Variants in NAGA observed in about 807,000 individuals in gnomAD.
NAGA encodes alpha-N-acetylgalactosaminidase.
Under a neutral mutation model 45.6 loss-of-function variants are expected in NAGA, and 42 were observed. That is an observed-to-expected ratio of 0.92 (90% CI 0.72 to 1.19). The LOEUF (loss-of-function observed/expected upper bound fraction) is 1.19. Ranked by LOEUF, NAGA falls within the 50% of genes most tolerant of loss-of-function variation. NAGA has a pLI of 0.00. For synonymous variants in NAGA, 176 were observed against 203.1 expected (o/e 0.87, Z 1.13); for missense variants, 493 against 544.8 (o/e 0.90, Z 0.95).
At position 42,066,845 on chromosome 22, in the gene NAGA, G is replaced by A. The variant is rs1326781862; in HGVS notation, c.503-41C>T. On this transcript the variant is annotated intron_variant, in intron 4 of 8. Transcript: ENST00000396398. ...CCTGTTTCAGTCCTGAGGAAGTGCA[G>A]GAGGCAGTCTGGGGCCTTAGCCCAG... 4.5e-6 allele frequency: 7 copies of A among 1,572,354 alleles called. No homozygotes were observed. The African/African-American group carries it at 8.1e-5, about 18-fold the overall frequency.
At chr22:42,068,006 T>C in intron 2 of NAGA, 70 bp from the exon 3 acceptor site, 1 of 1,395,522 alleles carries the variant, frequency 7.2e-7, no homozygotes, top group Non-Finnish European at 1.0e-6. Context: ...CTGCCTCAGC[T>C]CTGATTGAAT....
intron 5 of NAGA, 84 bp from the exon 6 acceptor site, chr22:42,065,983 G>T: frequency 6.6e-7 from 1 of 1,521,594 alleles, no homozygotes; most frequent in Admixed American, 1.9e-5. Context: ...AGGAGGCTCA[G>T]CAGGAGAGAC....
Position 42,062,898 on chromosome 22 carries a change from T to C in NAGA, c.886A>G (p.Ile296Val). 2 of 1,614,210 alleles carry C rather than the reference T, an allele frequency of 1.2e-6. No homozygotes were observed. Among genetic ancestry groups the C allele is most frequent in the East Asian group, 4.5e-5 (2 of 44,882 alleles). ...TTGATCATGAGTGGATTCTGCAGAA[T>C]GTCCATGTTCTGGGCGGAGATGGTA... The part of the protein sequence containing the change: ...LRTISAQNMD[I>V]LQNPLMIKIN... Residue 296 changes from isoleucine to valine, a missense_variant, in exon 7 of 9, where the codon ATT becomes GTT. Ile to Val is a conservative substitution (Grantham distance 29, BLOSUM62 3). Transcript: ENST00000396398.
At position 42,068,588 on chromosome 22, in the gene NAGA, G is replaced by A. The variant is rs747798266; in HGVS notation, c.17-14C>T. 3 of 1,613,930 alleles carry A rather than the reference G, an allele frequency of 1.9e-6. No homozygotes were observed. The highest frequency in any genetic ancestry group is 2.5e-6 in the Non-Finnish European group (3 of 1,179,982). On this transcript the variant is annotated splice_polypyrimidine_tract_variant and intron_variant, in intron 1 of 8. Coordinates refer to ENST00000396398, the MANE Select transcript of NAGA (RefSeq NM_000262.3). ...CCAGCAAGAGCACTAGGGGGCAAGG[G>A]AGGAGGGGATGGTGACTATCAGTTG... is the stretch of plus-strand genomic sequence containing the variant.
intron 7 of NAGA, among the ~76,000 whole-genome samples, chr22:42,061,969 A>AC (rs1292189578): frequency 6.6e-6 from 1 of 151,288 alleles, no homozygotes; most frequent in Non-Finnish European, 1.5e-5. Context: ...AAAAAAAAAA[A>AC]AAGGCTTTGA....
intron 1 of NAGA, among the ~76,000 whole-genome samples, chr22:42,069,918 GAAGT>G (rs2146847067): frequency 1.3e-5 from 2 of 152,350 alleles, no homozygotes; most frequent in East Asian, 3.9e-4. Context: ...AGAGGCTTAA[GAAGT>G]AAGCCAGCCA....
At chr22:42,067,720 G>A (rs1464057948) in intron 3 of NAGA, 45 bp downstream of exon 3, 7 of 1,552,790 alleles carry the variant, frequency 4.5e-6, no homozygotes, top group Non-Finnish European at 2.7e-6. Context: ...GGTGAAAGGA[G>A]TGGTCTAGCC....
At chr22:42,067,457 A>G (rs903063573) in intron 3 of NAGA, among the ~76,000 whole-genome samples, 167 bp from the exon 4 acceptor site, 2 of 152,010 alleles carry the variant, frequency 1.3e-5, no homozygotes, top group Non-Finnish European at 2.9e-5. Flanking sequence ...CTCTCCCCCA[A>G]CACACACCTC....
intron 6 of NAGA, among the ~76,000 whole-genome samples, chr22:42,063,871 T>A (rs540327291): frequency 9.9e-5 from 15 of 152,190 alleles, no homozygotes; most frequent in African/African-American, 3.1e-4. Context: ...CTGGCCAACA[T>A]AGCAAAACCT....
intron 5 of NAGA, 101 bp downstream of exon 5, chr22:42,066,609 A>T: frequency 8.9e-7 from 1 of 1,117,958 alleles, no homozygotes; most frequent in Non-Finnish European, 1.3e-6. Context: ...TGGTGAGAGC[A>T]GCCCTGGCTC....
At chr22:42,064,163 A>G (rs1190428010) in intron 6 of NAGA, among the ~76,000 whole-genome samples, 2 of 151,682 alleles carry the variant, frequency 1.3e-5, no homozygotes, top group Non-Finnish European at 2.9e-5. Context: ...CAACACGGAG[A>G]AACCCCATCT....
chr22:42,062,235 A>G (rs2146836646), intron 7 of NAGA, among the ~76,000 whole-genome samples: 1 of 152,188 alleles, frequency 6.6e-6, no homozygotes, highest in East Asian at 1.9e-4. Context: ...GCACTTTGGG[A>G]GGCTGATACG....
chr22:42,067,007 C>A (rs1220819379), intron 4 of NAGA, 106 bp downstream of exon 4: 1 of 1,549,650 alleles, frequency 6.5e-7, no homozygotes, highest in Non-Finnish European at 8.9e-7. Context: ...ATCCCCCTAA[C>A]CCCTGGGTAG....
At chr22:42,067,742 G>A in intron 3 of NAGA, 23 bp downstream of exon 3, 1 of 1,607,764 alleles carries the variant, frequency 6.2e-7, no homozygotes, top group Non-Finnish European at 8.5e-7. Context: ...TGAGGCCAAG[G>A]GCAGGGCTGG....
Position 42,067,118 on chromosome 22 carries a change from G to T in NAGA, c.497C>A (p.Ala166Asp), listed in dbSNP as rs773426123. ...CAGCCAGCTGCGTAACTCACCCTGGGCCCGCTCCTCGGGGGTGGAGAAGCA... is the reference window on the plus strand; with the variant it reads ...CAGCCAGCTGCGTAACTCACCCTGGTCCCGCTCCTCGGGGGTGGAGAAGCA... ...DGCFSTPEERAQGYPKMAAAL... is the reference protein window; with the variant it reads ...DGCFSTPEERDQGYPKMAAAL... The change falls in exon 4 of 9, where the codon GCC (alanine) becomes GAC (aspartate). Residue 166 changes from alanine to aspartate, a missense_variant. Ala to Asp is a moderately radical substitution (Grantham distance 126). Coordinates refer to ENST00000396398, the MANE Select transcript of NAGA (RefSeq NM_000262.3). 1 of 1,613,874 alleles carries T rather than the reference G, an allele frequency of 6.2e-7. No homozygotes were observed. Among genetic ancestry groups the T allele is most frequent in the Non-Finnish European group, 8.5e-7 (1 of 1,179,988 alleles).
chr22:42,066,561 G>C, intron 5 of NAGA, 149 bp downstream of exon 5: 1 of 739,380 alleles, frequency 1.4e-6, no homozygotes, highest in Non-Finnish European at 2.3e-6. Flanking sequence ...ACTTAATGTA[G>C]GTCTCTAGAC....
chr22:42,067,582 C>T (rs1041363681), intron 3 of NAGA, among the ~76,000 whole-genome samples, 183 bp downstream of exon 3: 5 of 152,222 alleles, frequency 3.3e-5, no homozygotes, highest in African/African-American at 1.2e-4. Context: ...TCCTAGAATA[C>T]CAGGCTGTGT....
intron 2 of NAGA, among the ~76,000 whole-genome samples, chr22:42,068,202 G>C (rs989757534): frequency 6.6e-6 from 1 of 152,192 alleles, no homozygotes; most frequent in African/African-American, 2.4e-5. Context: ...AGTTATCTCA[G>C]GGGCTGGGTC....
At chr22:42,062,122 A>AC (rs1569457316) in intron 7 of NAGA, among the ~76,000 whole-genome samples, 1 of 152,152 alleles carries the variant, frequency 6.6e-6, no homozygotes, top group Non-Finnish European at 1.5e-5. Context: ...AACTCCCAGC[A>AC]CATGGTAGGT....
Sources: gnomAD v4.1 joint callset for allele counts (sites outside exome capture counted in the v4.1 genomes callset) on GRCh38, gnomAD v4.1.1 for gene constraint, MANE v1.5 for transcripts, NCBI Gene and HGNC (gene_info 2026-07-23, HGNC 2026-07-21) for gene names.